RGSL1: variants seen among roughly 807,000 people sequenced by gnomAD.
RGSL1 encodes regulator of G protein signaling like 1, also known as regulator of G protein signaling protein-like.
Under a neutral mutation model 124.7 loss-of-function variants are expected in RGSL1, and 97 were observed. That is an observed-to-expected ratio of 0.78 (90% CI 0.66 to 0.92). The LOEUF is 0.92. Among genes scored for constraint, RGSL1 ranks in the 40% least tolerant of loss-of-function variants. The pLI is 0.00. For synonymous variants in RGSL1, 424 were observed against 438.1 expected, an observed-to-expected ratio of 0.97 and a Z score of 0.40; for missense variants, 1,233 against 1,288.4, an observed-to-expected ratio of 0.96 and a Z score of 0.66.
chr1:182,466,928 C>G (rs1194173130), intron 4 of RGSL1, among the ~76,000 whole-genome samples: 4 of 152,148 alleles, frequency 2.6e-5, no homozygotes, highest in Non-Finnish European at 5.9e-5. Flanking sequence ...TACAAGTTTA[C>G]AGCAATCAAC....
At chr1:182,536,757 T>C (rs2102288024) in intron 14 of RGSL1, among the ~76,000 whole-genome samples, 1 of 152,260 alleles carries the variant, frequency 6.6e-6, no homozygotes, top group Admixed American at 6.5e-5. Flanking sequence ...GGAGCTTGTG[T>C]AGGGAAACTC....
intron 4 of RGSL1, among the ~76,000 whole-genome samples, chr1:182,463,767 T>C (rs181501368): frequency 2.0e-5 from 3 of 152,250 alleles, no homozygotes; most frequent in East Asian, 1.9e-4. Context: ...AAAATAATCA[T>C]TGGAGACTTT....
At position 182,460,160 on chromosome 1, in the gene RGSL1, C is replaced by G. The variant is rs375797856; in HGVS notation, c.301+27C>G. ...TAAGCATTGGTGTGCATGCGTGTGTCTGTGTGTGTGTGTGTGTGTGTGTGT... is the reference window on the plus strand; with the variant it reads ...TAAGCATTGGTGTGCATGCGTGTGTGTGTGTGTGTGTGTGTGTGTGTGTGT... On this transcript the variant is annotated intron_variant, in intron 4 of 21. Transcript: ENST00000294854. 1.7e-5 allele frequency: 25 copies of G among 1,430,172 alleles called. No individual in the cohort carries two copies. In the African/African-American group the frequency reaches 2.1e-4, roughly 12 times the overall value. 88.6% of individuals were successfully genotyped at this position (1,430,172 alleles called of 1,614,324 possible). A position where few individuals can be genotyped will look rare whatever the true frequency, so the allele number is the denominator to read the frequency against.
chr1:182,523,568 A>G (rs1421989915), intron 10 of RGSL1, among the ~76,000 whole-genome samples: 1 of 152,162 alleles, frequency 6.6e-6, no homozygotes, highest in East Asian at 1.9e-4. Context: ...CTTAAATCAC[A>G]TATCTGTAAG....
Position 182,496,853 on chromosome 1 carries a change from T to C in RGSL1, c.1825+3724T>C, listed in dbSNP as rs565835843. On this transcript the variant is annotated intron_variant, in intron 9 of 21. Coordinates refer to ENST00000294854, the MANE Select transcript of RGSL1 (RefSeq NM_001137669.2). The stretch of plus-strand genomic sequence containing the variant: ...TATGTCCTTTATTTTGGAGAGGATG[T>C]CCAAATATGCACCAGATCACACTGG... Among the ~76,000 whole-genome samples, 3 of 151,266 alleles carry C rather than the reference T, an allele frequency of 2.0e-5. No homozygotes were observed. In the South Asian group the frequency reaches 6.3e-4, roughly 32 times the overall value.
chr1:182,450,721 G>C (rs1651742661), intron 1 of RGSL1: 1 of 166,820 alleles, frequency 6.0e-6, no homozygotes, highest in Non-Finnish European at 1.3e-5. Context: ...GGTGTGTGTA[G>C]CTGTGAACAA....
chr1:182,554,753 T>C (rs1660765791), intron 20 of RGSL1, 60 bp downstream of exon 20: 1 of 1,485,628 alleles, frequency 6.7e-7, no homozygotes, highest in Non-Finnish European at 9.2e-7. Flanking sequence ...AAGCATGCAA[T>C]AGGAGATGGT....
At chr1:182,468,438 T>TA (rs1444417080) in intron 4 of RGSL1, among the ~76,000 whole-genome samples, 2 of 152,074 alleles carry the variant, frequency 1.3e-5, no homozygotes, top group East Asian at 3.9e-4. Context: ...TATGCAGCCA[T>TA]AAAAAATGAT....
chr1:182,470,131 C>T (rs986764652), intron 4 of RGSL1, among the ~76,000 whole-genome samples: 1 of 151,950 alleles, frequency 6.6e-6, no homozygotes, highest in East Asian at 1.9e-4. Context: ...ACCACTAAAC[C>T]GTACATTTAA....
chr1:182,450,117 G>C, upstream of RGSL1: 1 of 1,550,460 alleles, frequency 6.4e-7, no homozygotes, highest in East Asian at 2.4e-5. Context: ...ATTGACTGGG[G>C]GGTAATTCTG....
intron 16 of RGSL1, 114 bp downstream of exon 16, chr1:182,548,569 T>A (rs1312338512): frequency 1.3e-6 from 2 of 1,508,896 alleles, no homozygotes; most frequent in Non-Finnish European, 1.8e-6. Context: ...CTACATATCC[T>A]TTACCTAGCA....
intron 4 of RGSL1, among the ~76,000 whole-genome samples, chr1:182,470,826 T>C (rs1281702964): frequency 2.0e-5 from 3 of 152,176 alleles, no homozygotes. Flanking sequence ...AAAGTTGAAT[T>C]AGTAACTTTT....
chr1:182,521,282 A>G (rs1437769476), intron 9 of RGSL1, among the ~76,000 whole-genome samples: 1 of 152,146 alleles, frequency 6.6e-6, no homozygotes, highest in Non-Finnish European at 1.5e-5. Context: ...TGTTGTCCAG[A>G]CTGATTTTAA....
intron 9 of RGSL1, chr1:182,507,280 T>C (rs1447587890): frequency 6.6e-6 from 1 of 152,502 alleles, no homozygotes; most frequent in Non-Finnish European, 1.5e-5. Context: ...TGAGCCACTG[T>C]GCCTGGCCTC....
At chr1:182,527,524 G>T (rs1490234157) in intron 10 of RGSL1, 55 bp from the exon 11 acceptor site, 2 of 1,431,488 alleles carry the variant, frequency 1.4e-6, no homozygotes, top group Non-Finnish European at 1.9e-6. Context: ...AATTGAAACA[G>T]AATCCAGAAT....
chr1:182,539,786 T>C (rs985242816), intron 14 of RGSL1, among the ~76,000 whole-genome samples: 4 of 152,228 alleles, frequency 2.6e-5, no homozygotes, highest in African/African-American at 9.6e-5. Context: ...TTCTGTACTC[T>C]AGCTTTCTAC....
chr1:182,509,426 C>T (rs1165226749), intron 9 of RGSL1, among the ~76,000 whole-genome samples: 3 of 24,308 alleles, frequency 1.2e-4, no homozygotes, highest in African/African-American at 5.0e-4. Context: ...GACGGGGCGG[C>T]TGGCCGGGCA....
At chr1:182,547,664 A>T (rs935501077) in intron 15 of RGSL1, among the ~76,000 whole-genome samples, 1 of 152,156 alleles carries the variant, frequency 6.6e-6, no homozygotes, top group African/African-American at 2.4e-5. Context: ...GATCGAGACC[A>T]TCCTGGGTAA....
intron 9 of RGSL1, among the ~76,000 whole-genome samples, chr1:182,510,893 T>G (rs1333703208): frequency 6.6e-6 from 1 of 152,180 alleles, no homozygotes; most frequent in Non-Finnish European, 1.5e-5. Context: ...CTGTTTATTT[T>G]GATAATTGTT....
Sources: allele counts gnomAD v4.1 joint callset (sites outside exome capture counted in the v4.1 genomes callset), GRCh38; gene constraint gnomAD v4.1.1; transcripts MANE v1.5; gene names NCBI Gene and HGNC (gene_info 2026-07-23, HGNC 2026-07-21).